RHOU: variants seen among roughly 807,000 people sequenced by gnomAD.
RHOU encodes ras homolog family member U.
RHOU carries 8 observed loss-of-function variants against 12.6 expected under a neutral mutation model. The observed-to-expected ratio is 0.64, with a 90% CI of 0.37 to 1.15. The LOEUF is 1.15. RHOU is among the 50% of genes most tolerant of loss of function. The probability of loss-of-function intolerance (pLI) is 0.01; values close to 1 mark genes in which losing one functional copy is unlikely to be tolerated. For missense variants in RHOU, 258 were observed against 347.0 expected, an observed-to-expected ratio of 0.74 and a Z score of 2.04; for synonymous variants, 161 against 147.4, an observed-to-expected ratio of 1.09 and a Z score of -0.67.
the RHOU span, among the ~76,000 whole-genome samples, chr1:228,683,423 G>T: frequency 4.3e-4 from 65 of 152,302 alleles, no homozygotes; most frequent in African/African-American, 1.4e-3. Context: ...TTAGGAGATA[G>T]GATCAGGTAG....
At chr1:228,660,168 T>C in the RHOU span, among the ~76,000 whole-genome samples, 1 of 151,338 alleles carries the variant, frequency 6.6e-6, no homozygotes, top group Non-Finnish European at 1.5e-5. Flanking sequence ...AATAAATGAA[T>C]AGGATTGTAA....
chr1:228,683,089 GCC>G, the RHOU span, among the ~76,000 whole-genome samples: 1,611 of 152,202 alleles, frequency 0.011, 28 homozygotes, highest in African/African-American at 0.037. Flanking sequence ...TGAGTTGAAT[GCC>G]CAGAAGAAAT....
the RHOU span, among the ~76,000 whole-genome samples, chr1:228,649,334 G>T: frequency 6.6e-6 from 1 of 152,168 alleles, no homozygotes; most frequent in Non-Finnish European, 1.5e-5. Flanking sequence ...TTCTCTAAAT[G>T]TGCTTTCTGG....
chr1:228,701,563 T>G, the RHOU span, among the ~76,000 whole-genome samples: 1 of 152,112 alleles, frequency 6.6e-6, no homozygotes, highest in African/African-American at 2.4e-5. Context: ...TTATCAATAT[T>G]AAAGCTGATT....
the RHOU span, among the ~76,000 whole-genome samples, chr1:228,727,953 G>T: frequency 6.6e-6 from 1 of 152,086 alleles, no homozygotes; most frequent in East Asian, 1.9e-4. Context: ...TGTGATGTGT[G>T]TTTGGGGAGG....
chr1:228,669,006 G>A, the RHOU span, among the ~76,000 whole-genome samples: 1 of 152,232 alleles, frequency 6.6e-6, no homozygotes, highest in African/African-American at 2.4e-5. Context: ...CCTTGATGGT[G>A]TCTGAGATTC....
At position 228,737,765 on chromosome 1, in the gene RHOU, G is replaced by C. The variant is rs770898484; in HGVS notation, c.321+34G>C. On this transcript the variant is annotated intron_variant, in intron 2 of 2. Transcript: ENST00000366691. The surrounding 1 kb of genome is among the most constrained non-coding windows in gnomAD (Gnocchi z 4.1). ...CACGTTACAGCTCAGTGCTGGGAAA[G>C]GAAACAGCCTTTTAAAGATTTCCAA... 7 of 1,605,884 alleles carry C rather than the reference G, an allele frequency of 4.4e-6. No homozygotes were observed. Among genetic ancestry groups the C allele is most frequent in the South Asian group, 2.2e-5 (2 of 90,908 alleles).
chr1:228,687,562 G>A, the RHOU span: 95 of 1,555,900 alleles, frequency 6.1e-5, no homozygotes, highest in Non-Finnish European at 7.9e-5. Context: ...GACTGGGAGA[G>A]CGGGCTGAAT....
chr1:228,705,409 T>G, the RHOU span, among the ~76,000 whole-genome samples: 1 of 152,184 alleles, frequency 6.6e-6, no homozygotes, highest in African/African-American at 2.4e-5. Flanking sequence ...CAAAAGGTGG[T>G]GTATTCAATT....
chr1:228,732,899 TAA>T (rs1357126539), upstream of RHOU, among the ~76,000 whole-genome samples: 3 of 152,164 alleles, frequency 2.0e-5, no homozygotes, highest in Non-Finnish European at 2.9e-5. Context: ...TGCATCACAA[TAA>T]GTTACAAATT....
chr1:228,707,266 G>A, the RHOU span, among the ~76,000 whole-genome samples: 143 of 103,382 alleles, frequency 1.4e-3, 1 homozygote, highest in African/African-American at 6.4e-3. Flanking sequence ...GTGTGTGTGT[G>A]TGTGTGTGTG....
chr1:228,709,223 C>A, the RHOU span, among the ~76,000 whole-genome samples: 1 of 151,246 alleles, frequency 6.6e-6, no homozygotes, highest in Admixed American at 6.6e-5. Context: ...GACTTTAACA[C>A]CCCACTGTCA....
chr1:228,682,520 G>A, the RHOU span, among the ~76,000 whole-genome samples: 1 of 152,168 alleles, frequency 6.6e-6, no homozygotes, highest in South Asian at 2.1e-4. Context: ...GGAGTTAGGA[G>A]CAATGTTTTC....
chr1:228,716,312 A>T, the RHOU span, among the ~76,000 whole-genome samples: 1 of 151,774 alleles, frequency 6.6e-6, no homozygotes, highest in Admixed American at 6.6e-5. Flanking sequence ...TATCTTTCCC[A>T]CTGGGGTCCA....
intron 2 of RHOU, among the ~76,000 whole-genome samples, chr1:228,742,896 A>C (rs147889087): frequency 1.7e-3 from 262 of 152,328 alleles, no homozygotes; most frequent in African/African-American, 6.1e-3. Context: ...GAATTTTAGA[A>C]GAGTAGCTAA....
chr1:228,649,824 C>T, the RHOU span, among the ~76,000 whole-genome samples: 1 of 152,188 alleles, frequency 6.6e-6, no homozygotes, highest in African/African-American at 2.4e-5. Flanking sequence ...ATAAGTTACA[C>T]TAGATCTTCT....
At chr1:228,703,711 T>C in the RHOU span, among the ~76,000 whole-genome samples, 25 of 152,326 alleles carry the variant, frequency 1.6e-4, no homozygotes, top group African/African-American at 5.8e-4. Context: ...GGACTTAGCA[T>C]GGATAGCTTT....
the RHOU span, among the ~76,000 whole-genome samples, chr1:228,721,513 C>T: frequency 6.6e-6 from 1 of 152,202 alleles, no homozygotes; most frequent in Non-Finnish European, 1.5e-5. Context: ...TTGGAACACA[C>T]GTGCGCCTTA....
the RHOU span, among the ~76,000 whole-genome samples, chr1:228,660,063 A>C: frequency 4.6e-5 from 7 of 151,778 alleles, no homozygotes; most frequent in Non-Finnish European, 8.8e-5. Context: ...CTGAGGTAGG[A>C]GGATCACTTG....
Sources: gnomAD v4.1 joint callset for allele counts (sites outside exome capture counted in the v4.1 genomes callset) on GRCh38, gnomAD v4.1.1 for gene constraint, Gnocchi (gnomAD v3.1) non-coding constraint, MANE v1.5 for transcripts, NCBI Gene and HGNC (gene_info 2026-07-23, HGNC 2026-07-21) for gene names.